Variants in PUS7L observed in about 807,000 individuals in gnomAD.
PUS7L encodes the protein pseudouridine synthase 7 like, also known as pseudouridylate synthase PUS7L.
In PUS7L, 49 loss-of-function variants were observed where a neutral mutation model predicts 51.1. The ratio of observed to expected loss-of-function variants is 0.96; its 90% confidence interval spans 0.76 to 1.22. PUS7L has a LOEUF of 1.22. Among genes scored for constraint, PUS7L ranks in the 50% most tolerant of loss-of-function variants. The probability of loss-of-function intolerance (pLI) is 0.00; values close to 1 mark genes in which losing one functional copy is unlikely to be tolerated. For missense variants in PUS7L, 828 were observed against 820.6 expected, an observed-to-expected ratio of 1.01 and a Z score of -0.11; for synonymous variants, 277 against 276.2, an observed-to-expected ratio of 1.00 and a Z score of -0.03.
rs1354020088 is a variant in PUS7L, at chr12:43,719,850, T to A, written c.*10526A>T. Reference sequence around the variant, plus strand: ...GTTAGTTGTAACTGCATTATTTCCATCAGTCTCACCACAAGTATGTCAGCT... The same window carrying A: ...GTTAGTTGTAACTGCATTATTTCCAACAGTCTCACCACAAGTATGTCAGCT... On this transcript the variant is annotated 3_prime_UTR_variant, in exon 9 of 9. Transcript: ENST00000344862. 2 of 152,212 alleles carry A rather than the reference T, an allele frequency of 1.3e-5. No individual in the cohort carries two copies. The highest frequency in any genetic ancestry group is 4.8e-5 in the African/African-American group (2 of 41,460). The allele number at this position is 152,212 out of a possible 1,614,324, so 9.4% of individuals were successfully genotyped here.
At chr12:43,735,336 A>T (rs190263445) in intron 7 of PUS7L, among the ~76,000 whole-genome samples, 326 of 151,128 alleles carry the variant, frequency 2.2e-3, no homozygotes, top group African/African-American at 7.5e-3. Context: ...AAAAAATAAA[A>T]AATAAAAATA....
At position 43,723,395 on chromosome 12, in the gene PUS7L, G is replaced by A. The variant is rs924817534; in HGVS notation, c.*6981C>T. ...CTGAATAGTTCAAAGCATATTTTAA[G>A]AGGAGATCTCAAGATGCTTAGAAAT... On this transcript the variant is annotated 3_prime_UTR_variant, in exon 9 of 9. Transcript: ENST00000344862. 2 of 151,790 alleles carry A rather than the reference G, an allele frequency of 1.3e-5. No homozygotes were observed. The highest frequency in any genetic ancestry group is 2.9e-5 in the Non-Finnish European group (2 of 67,920). The allele number at this position is 151,790 out of a possible 1,614,324, so 9.4% of individuals were successfully genotyped here. A position where few individuals can be genotyped will look rare whatever the true frequency, so the allele number is the denominator to read the frequency against.
Position 43,742,451 on chromosome 12 carries a change from C to A in PUS7L, c.1362+6G>T, listed in dbSNP as rs753973840. 3.1e-6 allele frequency: 5 copies of A among 1,589,484 alleles called. No homozygotes were observed. The African/African-American group carries it at 6.8e-5, about 22-fold the overall frequency. ...CAGATAAGATTACATTTTTCAAAAT[C>A]CATACCATTTCATTCTTCAGCAAAG... On this transcript the variant is annotated splice_donor_region_variant and intron_variant, in intron 5 of 8. Coordinates refer to ENST00000344862, the MANE Select transcript of PUS7L (RefSeq NM_031292.5).
At position 43,722,507 on chromosome 12, in the gene PUS7L, T is replaced by A. The variant is rs1012829409; in HGVS notation, c.*7869A>T. On this transcript the variant is annotated 3_prime_UTR_variant, in exon 9 of 9. Transcript: ENST00000344862. ...GCTTCCCAGATTTGCTATTGCCTCC[T>A]AAATGTGAAAATTATATTATTATTT... The A allele has an allele frequency of 1.3e-5, 2 of 152,172 alleles. No homozygotes were observed. Among genetic ancestry groups the A allele is most frequent in the Non-Finnish European group, 2.9e-5 (2 of 67,972 alleles). 9.4% of individuals were successfully genotyped at this position (152,172 alleles called of 1,614,324 possible).
In PUS7L at chr12:43,740,610, A is replaced by T. The variant is rs538548103; in HGVS notation, c.1362+1847T>A. ...GTGCTTCAGGCAAAGGAAAGAAGAT[A>T]TAGTTTTTTAGCTGCAGGAACCAGC... On this transcript the variant is annotated intron_variant, in intron 5 of 8. Transcript: ENST00000344862. Among the ~76,000 whole-genome samples, 5 of 152,220 alleles carry T rather than the reference A, an allele frequency of 3.3e-5. No homozygotes were observed. The South Asian group carries it at 8.3e-4, about 25-fold the overall frequency.
At chr12:43,735,341 A>AAAAT (rs1309873935) in intron 7 of PUS7L, among the ~76,000 whole-genome samples, 4 of 151,150 alleles carry the variant, frequency 2.6e-5, no homozygotes, top group South Asian at 4.2e-4. Context: ...ATAAAAAATA[A>AAAAT]AAATAAATAA....
chr12:43,744,168 T>C (rs1286900299), intron 4 of PUS7L, among the ~76,000 whole-genome samples: 1 of 152,190 alleles, frequency 6.6e-6, no homozygotes, highest in Non-Finnish European at 1.5e-5. Flanking sequence ...TTAGTAACAG[T>C]TTTTGAGGAA....
intron 2 of PUS7L, among the ~76,000 whole-genome samples, chr12:43,751,405 T>C (rs145737920): frequency 0.065 from 9,052 of 140,016 alleles, 289 homozygotes; most frequent in Middle Eastern, 0.14. Flanking sequence ...TGTCCAGGTG[T>C]TCTCATTGTT....
rs368904048 is a variant in PUS7L at position 43,746,134 on chromosome 12, A to G, written c.1175T>C (p.Phe392Ser). 9 of 1,513,428 alleles carry G rather than the reference A, an allele frequency of 5.9e-6. No individual in the cohort carries two copies. The highest frequency in any genetic ancestry group is 8.2e-6 in the Non-Finnish European group (9 of 1,092,044). 93.7% of individuals were successfully genotyped at this position (1,513,428 alleles called of 1,614,324 possible). The stretch of plus-strand genomic sequence containing the variant: ...TTTTAAATTTCTAATGACAATATCA[A>G]AGTGATTTCCTTTGAGCTGACCAAG... ...LRLGQLKGNH[F>S]DIVIRNLKKQ... The change falls in exon 4 of 9, where the codon TTT becomes TCT. Residue 392 changes from phenylalanine to serine, a missense_variant. By Grantham distance (155) the Phe-to-Ser change is radical (BLOSUM62 -2). Transcript: ENST00000344862.
chr12:43,758,052 A>G (rs1203995480), intron 1 of PUS7L, among the ~76,000 whole-genome samples: 1 of 152,222 alleles, frequency 6.6e-6, no homozygotes, highest in East Asian at 1.9e-4. Flanking sequence ...TTGGAATTGT[A>G]AGATGATTCT....
chr12:43,754,638 T>C lies in PUS7L; in HGVS notation c.608A>G (p.Tyr203Cys), dbSNP rs1341301366. 2 of 1,613,680 alleles carry C rather than the reference T, an allele frequency of 1.2e-6. No homozygotes were observed. The highest frequency in any genetic ancestry group is 2.2e-5 in the East Asian group (1 of 44,864). The change falls in exon 2 of 9, where the codon TAT (tyrosine) becomes TGT (cysteine). Residue 203 changes from tyrosine (Y) to cysteine (C), a missense_variant. Coordinates refer to ENST00000344862, the MANE Select transcript of PUS7L (RefSeq NM_031292.5). The part of the protein sequence containing the change: ...SEIVVKPNLE[Y>C]KELCHLVSEE... ...AGATACCAAATGACAAAGTTCTTTATATTCAAGATTTGGTTTTACAACAAT... is the reference window on the plus strand; with the variant it reads ...AGATACCAAATGACAAAGTTCTTTACATTCAAGATTTGGTTTTACAACAAT...
At chr12:43,731,645 C>A in intron 8 of PUS7L, 60 bp downstream of exon 8, 1 of 921,412 alleles carries the variant, frequency 1.1e-6, no homozygotes, top group East Asian at 2.6e-5. Flanking sequence ...TAACATTTTG[C>A]TTTTTGGGGA....
chr12:43,749,626 T>C (rs2095408307), intron 2 of PUS7L, among the ~76,000 whole-genome samples: 1 of 152,070 alleles, frequency 6.6e-6, no homozygotes, highest in Non-Finnish European at 1.5e-5. Flanking sequence ...GCCACGATGG[T>C]GCCACTGCAC....
chr12:43,729,278 T>C lies in PUS7L; in HGVS notation c.*1098A>G, dbSNP rs776030078. On this transcript the variant is annotated 3_prime_UTR_variant, in exon 9 of 9. Coordinates refer to ENST00000344862, the MANE Select transcript of PUS7L (RefSeq NM_031292.5). ...CCTTCTTTTGGATTTTATTTCCTAA[T>C]GCTAACATTTCCCAAAATGGTTAAA... 1 of 397,634 alleles carries C rather than the reference T, an allele frequency of 2.5e-6. No homozygotes were observed. 24.6% of individuals were successfully genotyped at this position (397,634 alleles called of 1,614,324 possible). A position where few individuals can be genotyped will look rare whatever the true frequency, so the allele number is the denominator to read the frequency against.
rs1388924563 is a variant in PUS7L, at chr12:43,736,391, G to A, written c.1715C>T (p.Pro572Leu). The change falls in exon 7 of 9, where the codon CCA becomes CTA. Residue 572 changes from proline to leucine, a missense_variant. Coordinates refer to ENST00000344862, the MANE Select transcript of PUS7L (RefSeq NM_031292.5). ...LDEDIDDENF[P>L]NSKIHLVTEE... Reference sequence around the variant, plus strand: ...TGGAATGATACTTACTTTACTATTTGGGAAATTCTCGTCATCAATGTCTTC... The same window carrying A: ...TGGAATGATACTTACTTTACTATTTAGGAAATTCTCGTCATCAATGTCTTC... The A allele has an allele frequency of 2.5e-6, 4 of 1,613,236 alleles. No homozygotes were observed. Among genetic ancestry groups the A allele is most frequent in the Non-Finnish European group, 3.4e-6 (4 of 1,179,460 alleles).
At position 43,727,754 on chromosome 12, in the gene PUS7L, TTAAA is replaced by T. The variant is rs1944474122; in HGVS notation, c.*2618_*2621del. The stretch of plus-strand genomic sequence containing the variant: ...GGTACTATGCTCATTATCTGGGTGA[TTAAA>T]TAATTTGTATGCAGAACTCCCACAA... On this transcript the variant is annotated 3_prime_UTR_variant, in exon 9 of 9. Coordinates refer to ENST00000344862, the MANE Select transcript of PUS7L (RefSeq NM_031292.5). 6.6e-6 allele frequency: 1 copy of T among 152,090 alleles called. No individual in the cohort carries two copies. The highest frequency in any genetic ancestry group is 2.4e-5 in the African/African-American group (1 of 41,412). The allele number at this position is 152,090 out of a possible 1,614,324, so 9.4% of individuals were successfully genotyped here.
rs1938622250 is a variant in PUS7L at position 43,754,899 on chromosome 12, G to T, written c.347C>A (p.Ser116Tyr). Residue 116 changes from serine to tyrosine, a missense_variant, in exon 2 of 9, where the codon TCC becomes TAC. Coordinates refer to ENST00000344862, the MANE Select transcript of PUS7L (RefSeq NM_031292.5). ...AACATCAGCTTTTTCTTCACATTTGGAAGTTCCATCAACGATAGTATCTTC... is the reference window on the plus strand; with the variant it reads ...AACATCAGCTTTTTCTTCACATTTGTAAGTTCCATCAACGATAGTATCTTC... Reference protein sequence around the residue: ...EKEDTIVDGTSKCEEKADVLS... With the variant: ...EKEDTIVDGTYKCEEKADVLS... The T allele has an allele frequency of 6.2e-7, 1 of 1,613,824 alleles. No homozygotes were observed. Among genetic ancestry groups the T allele is most frequent in the Non-Finnish European group, 8.5e-7 (1 of 1,179,880 alleles).
At chr12:43,757,830 T>G (rs1938877888) in intron 1 of PUS7L, among the ~76,000 whole-genome samples, 1 of 152,170 alleles carries the variant, frequency 6.6e-6, no homozygotes, top group Admixed American at 6.5e-5. Flanking sequence ...AAACAAAACA[T>G]GCAATGTGTG....
chr12:43,733,921 G>C (rs370427144), intron 7 of PUS7L, among the ~76,000 whole-genome samples: 1 of 151,914 alleles, frequency 6.6e-6, no homozygotes, highest in African/African-American at 2.4e-5. Flanking sequence ...TTTCCTATTA[G>C]GTTGGAGCAC....
Sources: allele counts gnomAD v4.1 joint callset (sites outside exome capture counted in the v4.1 genomes callset), GRCh38; gene constraint gnomAD v4.1.1; transcripts MANE v1.5; gene names NCBI Gene and HGNC (gene_info 2026-07-23, HGNC 2026-07-21).